TMEM145: variants seen among roughly 807,000 people sequenced by gnomAD.
TMEM145 encodes transmembrane protein 145.
TMEM145 carries 46 observed loss-of-function variants against 68.5 expected under a neutral mutation model. The observed-to-expected ratio is 0.67, with a 90% CI of 0.53 to 0.86. The LOEUF is 0.86. TMEM145 is among the 40% of genes least tolerant of loss of function. TMEM145 has a pLI of 0.00. For synonymous variants in TMEM145, 255 were observed against 280.2 expected (o/e 0.91, Z 0.90); for missense variants, 570 against 645.8 (o/e 0.88, Z 1.27).
intron 8 of TMEM145, among the ~76,000 whole-genome samples, chr19:42,315,986 C>T (rs1453496394): frequency 6.6e-6 from 1 of 152,016 alleles, no homozygotes; most frequent in Non-Finnish European, 1.5e-5. Context: ...GCCGAGATCA[C>T]GCCACTGCAT....
rs1342984474 is a variant in TMEM145, at chr19:42,316,738, A to G, written c.804A>G (p.Thr268=). ...TCCTGGGGAAGGGATTCACGGTGAC[A>G]CGGTGCCCGGGCAGGGCGTGCTCGT... ...LILLGKGFTV[T]RGRISHAGSV... The change falls in exon 10 of 15, where the codon ACA becomes ACG. Residue 268 remains threonine, a splice_region_variant and synonymous_variant. Coordinates refer to ENST00000301204, the MANE Select transcript of TMEM145 (RefSeq NM_173633.3). 6.3e-7 allele frequency: 1 copy of G among 1,592,196 alleles called. No homozygotes were observed. The highest frequency in any genetic ancestry group is 8.6e-7 in the Non-Finnish European group (1 of 1,168,086).
rs749307116 is a variant in TMEM145 at position 42,315,337 on chromosome 19, G to T, written c.578-35G>T. ...GGGAGGTGAGCTGCTCTCCCTTTCT[G>T]CCTGTGGACAGCCTTTCCCTACCTT... On this transcript the variant is annotated intron_variant, in intron 7 of 14. Transcript: ENST00000301204. The T allele has an allele frequency of 2.5e-6, 4 of 1,614,086 alleles. No homozygotes were observed. In the Admixed American group the frequency reaches 5.0e-5, roughly 20 times the overall value.
chr19:42,322,307 CTCA>C (rs2038918791), intron 13 of TMEM145, among the ~76,000 whole-genome samples: 1 of 152,204 alleles, frequency 6.6e-6, no homozygotes, highest in Admixed American at 6.5e-5. Context: ...TTTCCACCCT[CTCA>C]TCTTTCCAAG....
chr19:42,321,041 C>A, intron 13 of TMEM145: 1 of 398,956 alleles, frequency 2.5e-6, no homozygotes. Flanking sequence ...CCCTGTGTCC[C>A]CAGATTCTTC....
At chr19:42,323,934 C>A in intron 14 of TMEM145, 145 bp downstream of exon 14, 1 of 712,042 alleles carries the variant, frequency 1.4e-6, no homozygotes, top group Non-Finnish European at 2.2e-6. Flanking sequence ...CCCAACACCG[C>A]GCCGCGACCG....
intron 8 of TMEM145, 92 bp from the exon 9 acceptor site, chr19:42,316,389 C>A (rs939962311): frequency 8.1e-5 from 100 of 1,228,026 alleles, no homozygotes; most frequent in Admixed American, 1.2e-4. Flanking sequence ...AGGGAGGAGG[C>A]GGGATTCAGA....
Position 42,313,452 on chromosome 19 carries a change from C to T in TMEM145, c.76C>T (p.Arg26Cys). 7.3e-7 allele frequency: 1 copy of T among 1,371,588 alleles called. No individual in the cohort carries two copies. The allele number at this position is 1,371,588 out of a possible 1,614,324, so 85.0% of individuals were successfully genotyped here. Residue 26 changes from arginine (R) to cysteine (C), a missense_variant, in exon 1 of 15, where the codon CGC becomes TGC. Transcript: ENST00000301204. The surrounding 1 kb of genome is among the most constrained non-coding windows in gnomAD (Gnocchi z 5.1). ...LLLLLLSLPP[R>C]ARAKYVRGNL... ...GCTCCTGCTGCTGTCACTGCCCCCC[C>T]GCGCCCGGGCCAAGTACGTGCGGGG...
chr19:42,314,965 C>A (rs2038840594), intron 5 of TMEM145, 28 bp from the exon 6 acceptor site: 4 of 1,613,498 alleles, frequency 2.5e-6, no homozygotes, highest in African/African-American at 1.3e-5. Context: ...TGCCCAGGGC[C>A]CCCCTTAGGC....
In TMEM145 at chr19:42,313,341, G is replaced by GGGAGCCGGAGC. The variant is rs942849361; in HGVS notation, c.-27_-17dup. Reference sequence around the variant, plus strand: ...CTCGCCTCCATTGCCGGGCCAGTGCGGGAGCCGGAGCGGAGCCGGGGCCGG... The same window carrying GGGAGCCGGAGC: ...CTCGCCTCCATTGCCGGGCCAGTGCGGGAGCCGGAGCGGAGCCGGAGCGGAGCCGGGGCCGG... On this transcript the variant is annotated 5_prime_UTR_variant, in exon 1 of 15. Transcript: ENST00000301204. The surrounding 1 kb of genome is among the most constrained non-coding windows in gnomAD (Gnocchi z 5.1). 1.4e-5 allele frequency: 12 copies of GGGAGCCGGAGC among 880,044 alleles called. No individual in the cohort carries two copies. Among genetic ancestry groups the GGGAGCCGGAGC allele is most frequent in the Non-Finnish European group, 1.8e-5 (12 of 665,362 alleles). The allele number at this position is 880,044 out of a possible 1,614,324, so 54.5% of individuals were successfully genotyped here. A position where few individuals can be genotyped will look rare whatever the true frequency, so the allele number is the denominator to read the frequency against.
Position 42,313,353 on chromosome 19 carries a change from G to C in TMEM145, c.-24G>C. 1 of 988,404 alleles carries C rather than the reference G, an allele frequency of 1.0e-6. No individual in the cohort carries two copies. Among genetic ancestry groups the C allele is most frequent in the Non-Finnish European group, 1.3e-6 (1 of 758,494 alleles). 61.2% of individuals were successfully genotyped at this position (988,404 alleles called of 1,614,324 possible). A position where few individuals can be genotyped will look rare whatever the true frequency, so the allele number is the denominator to read the frequency against. On this transcript the variant is annotated 5_prime_UTR_variant, in exon 1 of 15. Transcript: ENST00000301204. The surrounding 1 kb of genome is among the most constrained non-coding windows in gnomAD (Gnocchi z 5.1). The stretch of plus-strand genomic sequence containing the variant: ...GCCGGGCCAGTGCGGGAGCCGGAGC[G>C]GAGCCGGGGCCGGAGCGGGCGGAAT...
chr19:42,314,247 G>C lies in TMEM145; in HGVS notation c.121-25G>C, dbSNP rs200707689. The C allele has an allele frequency of 3.7e-5, 59 of 1,613,628 alleles. No homozygotes were observed. In the African/African-American group the frequency reaches 6.9e-4, roughly 19 times the overall value. ...AAGAGTTCTTGAAGGACTCAGCGGA[G>C]GGTCAGACTGGGCCCCTTTTTCAGG... On this transcript the variant is annotated intron_variant, in intron 1 of 14. Coordinates refer to ENST00000301204, the MANE Select transcript of TMEM145 (RefSeq NM_173633.3).
rs375457571 is a variant in TMEM145 at position 42,315,676 on chromosome 19, C to T, written c.646+236C>T. On this transcript the variant is annotated intron_variant, in intron 8 of 14. Coordinates refer to ENST00000301204, the MANE Select transcript of TMEM145 (RefSeq NM_173633.3). ...GGGAGGATGGGCTGGGGACCTGGACCCCTGGTTCCTGGGGGAGGAGGGGGT... is the reference window on the plus strand; with the variant it reads ...GGGAGGATGGGCTGGGGACCTGGACTCCTGGTTCCTGGGGGAGGAGGGGGT... Among the ~76,000 whole-genome samples, 22 of 149,896 alleles carry T rather than the reference C, an allele frequency of 1.5e-4. 1 individual carries two copies. The highest frequency in any genetic ancestry group is 4.7e-4 in the African/African-American group (19 of 40,680).
At position 42,313,777 on chromosome 19, in the gene TMEM145, A is replaced by G. The variant is rs1599975403; in HGVS notation, c.120+281A>G. On this transcript the variant is annotated intron_variant, in intron 1 of 14. Transcript: ENST00000301204. The surrounding 1 kb of genome is among the most constrained non-coding windows in gnomAD (Gnocchi z 5.1). ...AGTCAGAGTTTGGGAAGGGTGGTGC[A>G]GAGGTGGTGCTGAAGGGACAGCACT... is the stretch of plus-strand genomic sequence containing the variant. Among the ~76,000 whole-genome samples the G allele has an allele frequency of 6.6e-6, 1 of 152,154 alleles. No individual in the cohort carries two copies. Among genetic ancestry groups the G allele is most frequent in the East Asian group, 1.9e-4 (1 of 5,142 alleles).
At chr19:42,323,146 T>C (rs2147425609) in intron 13 of TMEM145, among the ~76,000 whole-genome samples, 1 of 152,362 alleles carries the variant, frequency 6.6e-6, no homozygotes, top group Admixed American at 6.5e-5. Context: ...TTTCTGTATT[T>C]ATGAAAATAT....
At chr19:42,323,491 C>A (rs1183948084) in intron 13 of TMEM145, 92 bp from the exon 14 acceptor site, 4 of 1,258,238 alleles carry the variant, frequency 3.2e-6, no homozygotes, top group Non-Finnish European at 2.2e-6. Flanking sequence ...TGGTGGATGT[C>A]AACTGAAAGG....
At chr19:42,319,319 A>G (rs955782618) in intron 12 of TMEM145, among the ~76,000 whole-genome samples, 6 of 152,230 alleles carry the variant, frequency 3.9e-5, no homozygotes, top group Non-Finnish European at 8.8e-5. Context: ...TCTGCTTCAT[A>G]GAGTCACTGT....
At chr19:42,315,538 G>C in intron 8 of TMEM145, 98 bp downstream of exon 8, 3 of 1,341,846 alleles carry the variant, frequency 2.2e-6, no homozygotes, top group Non-Finnish European at 3.1e-6. Flanking sequence ...TGGACTCCTG[G>C]GTCCTGGGGG....
chr19:42,316,431 T>G (rs748123996), intron 8 of TMEM145, 50 bp from the exon 9 acceptor site: 1 of 1,560,142 alleles, frequency 6.4e-7, no homozygotes, highest in Admixed American at 1.7e-5. Context: ...AGAACAGTGA[T>G]GCCCCAGAGC....
At chr19:42,314,396 C>T (rs2038833686) in intron 2 of TMEM145, 50 bp downstream of exon 2, 2 of 1,613,880 alleles carry the variant, frequency 1.2e-6, no homozygotes, top group Non-Finnish European at 1.7e-6. Flanking sequence ...CTTCCCTTGG[C>T]CTCCAAAGGC....
Sources: gnomAD v4.1 joint callset for allele counts (sites outside exome capture counted in the v4.1 genomes callset) on GRCh38, gnomAD v4.1.1 for gene constraint, Gnocchi (gnomAD v3.1) non-coding constraint, MANE v1.5 for transcripts, NCBI Gene and HGNC (gene_info 2026-07-23, HGNC 2026-07-21) for gene names.